STAG1: variants seen among roughly 807,000 people sequenced by gnomAD.
STAG1 encodes the protein STAG1 cohesin complex component, also known as cohesin subunit SA-1.
A neutral mutation model predicts 170.9 loss-of-function variants in STAG1; 26 were observed. That is an observed-to-expected ratio of 0.15 (90% CI 0.11 to 0.21). The LOEUF (loss-of-function observed/expected upper bound fraction) is 0.21, where lower values mean the gene tolerates loss of function less well. Ranked by LOEUF, STAG1 falls within the 10% of genes least tolerant of loss-of-function variation. STAG1 has a pLI of 1.00. For synonymous variants in STAG1, 514 were observed against 497.7 expected, an observed-to-expected ratio of 1.03 and a Z score of -0.44; for missense variants, 964 against 1,509.5, an observed-to-expected ratio of 0.64 and a Z score of 5.99.
At chr3:136,421,833 T>C (rs1442793491) in intron 19 of STAG1, among the ~76,000 whole-genome samples, 1 of 126,894 alleles carries the variant, frequency 7.9e-6, no homozygotes, top group African/African-American at 2.5e-5. Flanking sequence ...AAATAGAAAA[T>C]GAGTTAGGAA....
intron 6 of STAG1, 117 bp from the exon 7 acceptor site, chr3:136,521,534 T>C (rs1156844476): frequency 1.3e-6 from 1 of 744,140 alleles, no homozygotes; most frequent in Non-Finnish European, 2.2e-6. Context: ...TAGAAAGAAA[T>C]AGGTGACTTT....
At chr3:136,576,149 G>C (rs902227290) in intron 4 of STAG1, among the ~76,000 whole-genome samples, 2 of 152,162 alleles carry the variant, frequency 1.3e-5, no homozygotes, top group Non-Finnish European at 2.9e-5. Context: ...CCATACAGTA[G>C]AATGAAATGT....
chr3:136,641,470 G>C (rs892857982), intron 1 of STAG1, among the ~76,000 whole-genome samples: 1 of 152,182 alleles, frequency 6.6e-6, no homozygotes, highest in African/African-American at 2.4e-5. Flanking sequence ...CATATTAACA[G>C]GGGCCTCCTA....
chr3:136,654,432 A>G (rs1941309331), intron 1 of STAG1, among the ~76,000 whole-genome samples: 1 of 152,248 alleles, frequency 6.6e-6, no homozygotes. Context: ...TAACTTAACC[A>G]ACAAGGTGAA....
intron 9 of STAG1, among the ~76,000 whole-genome samples, chr3:136,480,892 G>A (rs1385585828): frequency 7.0e-6 from 1 of 142,322 alleles, no homozygotes; most frequent in Non-Finnish European, 1.5e-5. Context: ...TCTGTTGTTG[G>A]TGTATAAGAA....
At position 136,478,325 on chromosome 3, in the gene STAG1, A is replaced by T. The variant is rs1366151783; in HGVS notation, c.903-913T>A. Among the ~76,000 whole-genome samples, 6 of 152,338 alleles carry T rather than the reference A, an allele frequency of 3.9e-5. No individual in the cohort carries two copies. In the East Asian group the frequency reaches 1.2e-3, roughly 29 times the overall value. On this transcript the variant is annotated intron_variant, in intron 9 of 33. Coordinates refer to ENST00000383202, the MANE Select transcript of STAG1 (RefSeq NM_005862.3). ...CTAGATGGCTTTTCACCTCACCATA[A>T]GTAAGCATCCAATATAACCCTCCTG...
At chr3:136,373,312 T>C (rs1388298866) in intron 23 of STAG1, among the ~76,000 whole-genome samples, 1 of 152,208 alleles carries the variant, frequency 6.6e-6, no homozygotes, top group Non-Finnish European at 1.5e-5. Flanking sequence ...CCTGGATTCA[T>C]TGATTTTTTG....
chr3:136,516,938 A>G (rs113443934), intron 7 of STAG1, among the ~76,000 whole-genome samples: 177 of 152,328 alleles, frequency 1.2e-3, no homozygotes, highest in African/African-American at 2.5e-3. Context: ...GTATTACATG[A>G]TTTCAGCAAC....
chr3:136,413,216 TTA>T (rs1170091364), intron 21 of STAG1, among the ~76,000 whole-genome samples: 1 of 148,252 alleles, frequency 6.7e-6, no homozygotes, highest in Non-Finnish European at 1.5e-5. Flanking sequence ...ACATTATATA[TTA>T]TATATAATTT....
intron 22 of STAG1, among the ~76,000 whole-genome samples, chr3:136,396,520 CTTTTTTTTTTT>C (rs146270857): frequency 2.5e-4 from 11 of 43,658 alleles, no homozygotes; most frequent in South Asian, 1.3e-3. Flanking sequence ...CGCGCCTGGC[CTTTTTTTTTTT>C]TTTTTTTTTT....
intron 4 of STAG1, among the ~76,000 whole-genome samples, chr3:136,582,722 C>G (rs1207871472): frequency 6.6e-6 from 1 of 152,086 alleles, no homozygotes; most frequent in African/African-American, 2.4e-5. Flanking sequence ...TCACTTGAAC[C>G]CAGGAGACGG....
chr3:136,730,076 C>CGCCCTCTGTCACCCAG (rs1163404207), intron 1 of STAG1, among the ~76,000 whole-genome samples: 1 of 151,570 alleles, frequency 6.6e-6, no homozygotes, highest in Non-Finnish European at 1.5e-5. Flanking sequence ...GAGACAGAGT[C>CGCCCTCTGTCACCCAG]GCCCTCTGTC....
intron 1 of STAG1, among the ~76,000 whole-genome samples, chr3:136,711,062 T>C (rs9809267): frequency 6.7e-6 from 1 of 149,136 alleles, no homozygotes; most frequent in African/African-American, 2.5e-5. Flanking sequence ...AAAAGAAAAA[T>C]ATATATATAT....
chr3:136,568,295 G>A (rs1200015280), intron 5 of STAG1, among the ~76,000 whole-genome samples: 1 of 152,022 alleles, frequency 6.6e-6, no homozygotes, highest in Non-Finnish European at 1.5e-5. Flanking sequence ...TTAACAAACT[G>A]TCTTACAGTT....
At chr3:136,544,493 T>G (rs1338239008) in intron 5 of STAG1, among the ~76,000 whole-genome samples, 1 of 152,180 alleles carries the variant, frequency 6.6e-6, no homozygotes, top group Admixed American at 6.5e-5. Context: ...CCATGTGTGG[T>G]GGCTTACACC....
intron 6 of STAG1, among the ~76,000 whole-genome samples, chr3:136,528,175 C>T (rs1935163119): frequency 6.6e-6 from 1 of 152,158 alleles, no homozygotes; most frequent in African/African-American, 2.4e-5. Context: ...TATGCCCTGC[C>T]CCAGGGTGGA....
At chr3:136,538,598 T>C (rs985046177) in intron 6 of STAG1, among the ~76,000 whole-genome samples, 1 of 152,036 alleles carries the variant, frequency 6.6e-6, no homozygotes, top group Non-Finnish European at 1.5e-5. Flanking sequence ...TTTGTATTTT[T>C]AGTAGAGACA....
chr3:136,531,649 C>T (rs1441350540), intron 6 of STAG1, among the ~76,000 whole-genome samples: 1 of 150,722 alleles, frequency 6.6e-6, no homozygotes, highest in Non-Finnish European at 1.5e-5. Context: ...TCTCAGTAAA[C>T]TATCGCAAGA....
At chr3:136,363,531 G>A in intron 25 of STAG1, 64 bp from the exon 26 acceptor site, 1 of 547,952 alleles carries the variant, frequency 1.8e-6, no homozygotes, top group Non-Finnish European at 3.1e-6. Flanking sequence ...TAAAGAATAG[G>A]TTGGTGTCAC....
Sources: allele counts gnomAD v4.1 joint callset (sites outside exome capture counted in the v4.1 genomes callset), GRCh38; gene constraint gnomAD v4.1.1; transcripts MANE v1.5; gene names NCBI Gene and HGNC (gene_info 2026-07-23, HGNC 2026-07-21).